CAMKK2: variants seen among roughly 807,000 people sequenced by gnomAD.
CAMKK2 encodes the protein calcium/calmodulin-dependent protein kinase kinase 2.
CAMKK2 carries 30 observed loss-of-function variants against 67.2 expected under a neutral mutation model. The ratio of observed to expected loss-of-function variants is 0.45; its 90% CI spans 0.33 to 0.61. The LOEUF (loss-of-function observed/expected upper bound fraction) is 0.61, where lower values mean the gene tolerates loss of function less well. Ranked by LOEUF, CAMKK2 falls within the 20% of genes least tolerant of loss-of-function variation. The pLI, the probability that CAMKK2 is intolerant of heterozygous loss-of-function variation, is 0.02. For missense variants in CAMKK2, 643 were observed against 802.0 expected (o/e 0.80, Z 2.39); for synonymous variants, 322 against 326.2 (o/e 0.99, Z 0.14).
At position 121,241,699 on chromosome 12, in the gene CAMKK2, T is replaced by C. The variant is rs138581721; in HGVS notation, c.1597-830A>G. Among the ~76,000 whole-genome samples the C allele has an allele frequency of 2.0e-5, 3 of 152,366 alleles. No individual in the cohort carries two copies. The East Asian group carries it at 5.8e-4, about 29-fold the overall frequency. On this transcript the variant is annotated intron_variant, in intron 16 of 16. Coordinates refer to ENST00000404169, the MANE Select transcript of CAMKK2 (RefSeq NM_001270485.2). ...TCCTGTCCAGGAGGGAGACTGTCCT[T>C]ACACAAGGGAAAGGAAGCGTGATGT...
At chr12:121,293,972 C>T (rs1900627692) in intron 1 of CAMKK2, among the ~76,000 whole-genome samples, 1 of 151,960 alleles carries the variant, frequency 6.6e-6, no homozygotes, top group South Asian at 2.1e-4. Context: ...CCTTCTTGTG[C>T]CCCACGCTGG....
intron 16 of CAMKK2, among the ~76,000 whole-genome samples, chr12:121,242,891 C>T (rs1410093315): frequency 1.1e-3 from 164 of 152,114 alleles, no homozygotes; most frequent in African/African-American, 3.5e-3. Flanking sequence ...TACAGGCGCC[C>T]GCCACCGCGC....
intron 7 of CAMKK2, among the ~76,000 whole-genome samples, chr12:121,259,477 C>G (rs764928103): frequency 2.6e-5 from 4 of 152,194 alleles, no homozygotes; most frequent in Non-Finnish European, 5.9e-5. Flanking sequence ...TGACCTGGAT[C>G]TGGGGTCCCA....
At chr12:121,265,933 A>C (rs1455547863) in intron 5 of CAMKK2, among the ~76,000 whole-genome samples, 8 of 151,842 alleles carry the variant, frequency 5.3e-5, no homozygotes, top group African/African-American at 1.9e-4. Flanking sequence ...AGAAGGCACT[A>C]CCTATGTTTG....
chr12:121,278,255 C>A (rs1679216507), intron 1 of CAMKK2, among the ~76,000 whole-genome samples: 1 of 152,178 alleles, frequency 6.6e-6, no homozygotes, highest in African/African-American at 2.4e-5. Flanking sequence ...ACTTCTCCTT[C>A]TCATGGTCCT....
chr12:121,266,973 G>C (rs1894679158), intron 5 of CAMKK2, among the ~76,000 whole-genome samples: 1 of 134,540 alleles, frequency 7.4e-6, no homozygotes, highest in South Asian at 2.7e-4. Context: ...GAGAAGGAAA[G>C]AGGTCAGCAA....
chr12:121,252,799 G>C, intron 10 of CAMKK2, 85 bp from the exon 11 acceptor site: 14 of 1,364,080 alleles, frequency 1.0e-5, no homozygotes, highest in Non-Finnish European at 1.4e-5. Flanking sequence ...ACCACCTCTT[G>C]ACTTTCAGCC....
chr12:121,267,341 T>C (rs1894829965), intron 5 of CAMKK2, among the ~76,000 whole-genome samples: 1 of 151,704 alleles, frequency 6.6e-6, no homozygotes, highest in Admixed American at 6.6e-5. Context: ...CTCAAACTCC[T>C]GACCTCGTGA....
intron 2 of CAMKK2, among the ~76,000 whole-genome samples, chr12:121,273,667 G>A (rs1393049527): frequency 6.6e-6 from 1 of 152,000 alleles, no homozygotes; most frequent in African/African-American, 2.4e-5. Flanking sequence ...CACCCACAGG[G>A]GGTCACACAC....
chr12:121,267,283 T>C (rs1050060247), intron 5 of CAMKK2, among the ~76,000 whole-genome samples: 2 of 150,198 alleles, frequency 1.3e-5, no homozygotes, highest in African/African-American at 4.9e-5. Context: ...GGCTAATTTT[T>C]GTATTTTTTT....
intron 7 of CAMKK2, among the ~76,000 whole-genome samples, chr12:121,257,783 CCAGCGCTGGCCCCCT>C (rs1404496823): frequency 6.6e-6 from 1 of 152,042 alleles, no homozygotes; most frequent in Non-Finnish European, 1.5e-5. Context: ...TACAGACAAC[CCAGCGCTGGCCCCCT>C]CAGCTCTGGC....
intron 5 of CAMKK2, among the ~76,000 whole-genome samples, chr12:121,264,413 G>A (rs1214292391): frequency 2.6e-5 from 4 of 152,164 alleles, no homozygotes; most frequent in Non-Finnish European, 4.4e-5. Context: ...GAGGCGGGTG[G>A]ATTTCTTGAG....
chr12:121,263,136 AT>A (rs1893816431), intron 6 of CAMKK2, among the ~76,000 whole-genome samples: 2 of 152,036 alleles, frequency 1.3e-5, no homozygotes, highest in South Asian at 4.2e-4. Context: ...CGCCCAGCTA[AT>A]TTTTTTGTAT....
chr12:121,265,116 C>T (rs1322085263), intron 5 of CAMKK2, among the ~76,000 whole-genome samples: 2 of 152,158 alleles, frequency 1.3e-5, no homozygotes, highest in East Asian at 3.8e-4. Flanking sequence ...CTGCAGTAAA[C>T]AATAGGCAGT....
intron 16 of CAMKK2, among the ~76,000 whole-genome samples, chr12:121,242,689 A>C (rs757489699): frequency 6.6e-6 from 1 of 152,208 alleles, no homozygotes; most frequent in Non-Finnish European, 1.5e-5. Context: ...TGTTCCTCCT[A>C]GATTACCATA....
At chr12:121,247,618 G>A (rs1220230071) in intron 14 of CAMKK2, among the ~76,000 whole-genome samples, 1 of 152,208 alleles carries the variant, frequency 6.6e-6, no homozygotes, top group East Asian at 1.9e-4. Flanking sequence ...CAACAGTGAA[G>A]GTCCTGCACA....
At chr12:121,268,073 C>A (rs1159420468) in intron 5 of CAMKK2, among the ~76,000 whole-genome samples, 1 of 59,480 alleles carries the variant, frequency 1.7e-5, no homozygotes, top group Non-Finnish European at 3.2e-5. Context: ...GAATAATATT[C>A]CATTGGATGC....
intron 5 of CAMKK2, among the ~76,000 whole-genome samples, chr12:121,268,097 T>TATATATATATATATATATATAC (rs1894993862): frequency 6.8e-6 from 1 of 147,006 alleles, no homozygotes; most frequent in African/African-American, 2.5e-5. Flanking sequence ...TATATATATA[T>TATATATATATATATATATATAC]ATACTCTATT....
intron 1 of CAMKK2, among the ~76,000 whole-genome samples, chr12:121,294,644 T>G (rs1308071523): frequency 6.6e-6 from 1 of 152,224 alleles, no homozygotes; most frequent in East Asian, 1.9e-4. Flanking sequence ...ACTGGCTGTG[T>G]GACCCTGAGC....
Sources: gnomAD v4.1 joint callset for allele counts (sites outside exome capture counted in the v4.1 genomes callset) on GRCh38, gnomAD v4.1.1 for gene constraint, MANE v1.5 for transcripts, NCBI Gene and HGNC (gene_info 2026-07-23, HGNC 2026-07-21) for gene names.